GALNTL6: variants seen among roughly 807,000 people sequenced by gnomAD.
GALNTL6 encodes polypeptide N-acetylgalactosaminyltransferase like 6.
GALNTL6 carries 46 observed loss-of-function variants against 73.7 expected under a neutral mutation model. The ratio of observed to expected loss-of-function variants is 0.62; its 90% CI spans 0.49 to 0.80. The LOEUF (loss-of-function observed/expected upper bound fraction) is 0.80. Ranked by LOEUF, GALNTL6 falls within the 30% of genes least tolerant of loss-of-function variation. GALNTL6 has a pLI of 0.00. For synonymous variants in GALNTL6, 259 were observed against 263.7 expected (o/e 0.98, Z 0.17); for missense variants, 604 against 755.0 (o/e 0.80, Z 2.34).
intron 5 of GALNTL6, among the ~76,000 whole-genome samples, chr4:172,617,743 A>C (rs1738797248): frequency 6.6e-6 from 1 of 152,108 alleles, no homozygotes; most frequent in Non-Finnish European, 1.5e-5. Context: ...GGCCTCCCTA[A>C]GTACTGGGAT....
At chr4:172,488,023 G>T (rs899292535) in intron 5 of GALNTL6, among the ~76,000 whole-genome samples, 2 of 152,034 alleles carry the variant, frequency 1.3e-5, no homozygotes, top group Non-Finnish European at 2.9e-5. Context: ...AATGATAATG[G>T]TGCATACTAT....
intron 5 of GALNTL6, among the ~76,000 whole-genome samples, chr4:172,463,465 A>G (rs550150994): frequency 2.6e-5 from 4 of 152,302 alleles, no homozygotes; most frequent in African/African-American, 9.6e-5. Flanking sequence ...AAATACGCTT[A>G]GAATACAAGC....
intron 5 of GALNTL6, among the ~76,000 whole-genome samples, chr4:172,431,647 T>C (rs1731455872): frequency 6.6e-6 from 1 of 152,134 alleles, no homozygotes. Flanking sequence ...AAAATGGTCT[T>C]CCAGCTAAAT....
chr4:172,738,992 C>A (rs2111412429), intron 5 of GALNTL6, among the ~76,000 whole-genome samples: 1 of 152,252 alleles, frequency 6.6e-6, no homozygotes, highest in South Asian at 2.1e-4. Context: ...CTCCAGGTAG[C>A]AGGCTTCAGG....
intron 2 of GALNTL6, among the ~76,000 whole-genome samples, chr4:171,823,681 A>G (rs1734743029): frequency 6.6e-6 from 1 of 151,584 alleles, no homozygotes; most frequent in South Asian, 2.1e-4. Context: ...TATGAAAAAG[A>G]CTGACGACTA....
chr4:172,125,584 T>G (rs561224139), intron 2 of GALNTL6, among the ~76,000 whole-genome samples: 2 of 152,304 alleles, frequency 1.3e-5, no homozygotes, highest in African/African-American at 4.8e-5. Flanking sequence ...ATTTCCATCA[T>G]AAATTCATCT....
intron 2 of GALNTL6, among the ~76,000 whole-genome samples, chr4:171,878,525 T>C (rs1560823645): frequency 6.6e-6 from 1 of 152,178 alleles, no homozygotes; most frequent in Non-Finnish European, 1.5e-5. Flanking sequence ...AAATAGTACA[T>C]TTCTATTTGG....
chr4:172,095,242 G>T (rs983328153), intron 2 of GALNTL6, among the ~76,000 whole-genome samples: 2 of 152,040 alleles, frequency 1.3e-5, no homozygotes, highest in Non-Finnish European at 2.9e-5. Flanking sequence ...TCAGTAAGGA[G>T]ATATCATCTC....
At chr4:172,144,420 G>A (rs1733874665) in intron 2 of GALNTL6, among the ~76,000 whole-genome samples, 1 of 152,114 alleles carries the variant, frequency 6.6e-6, no homozygotes, top group Admixed American at 6.5e-5. Context: ...GTTACTCAAT[G>A]TTTCTGAGCA....
At position 172,964,515 on chromosome 4, in the gene GALNTL6, G is replaced by A. The variant is rs192154804; in HGVS notation, c.1371+12257G>A. ...TATTTTAAAAATTCATGTCAATACCGAACTACCTAGGCTGTTTATTTGAAT... is the reference window on the plus strand; with the variant it reads ...TATTTTAAAAATTCATGTCAATACCAAACTACCTAGGCTGTTTATTTGAAT... On this transcript the variant is annotated intron_variant, in intron 10 of 12. Transcript: ENST00000506823. Among the ~76,000 whole-genome samples the A allele has an allele frequency of 3.9e-5, 6 of 152,194 alleles. No homozygotes were observed. The East Asian group carries it at 7.7e-4, about 20-fold the overall frequency.
chr4:171,914,054 G>A (rs1578966767), intron 2 of GALNTL6, among the ~76,000 whole-genome samples: 1 of 152,020 alleles, frequency 6.6e-6, no homozygotes, highest in African/African-American at 2.4e-5. Flanking sequence ...TGTTATAAAG[G>A]CTATAAAATG....
rs796275319 is a variant in GALNTL6 at position 172,861,318 on chromosome 4, CATGTGTGTGTGTGT to C, written c.924-21471_924-21458del. 1.9e-3 allele frequency among the ~76,000 whole-genome samples: 269 copies of C among 140,886 alleles called. 1 individual carries two copies. Among genetic ancestry groups the C allele is most frequent in the Middle Eastern group, 0.011 (3 of 274 alleles). The allele number at this position is 140,886 out of a possible 152,430, so 92.4% of individuals were successfully genotyped here. ...TGTTGTCTGGCTTGGTTTTTGCTTA[CATGTGTGTGTGTGT>C]GTGTGTGTGTGTGTGTGTGTGTGTT... On this transcript the variant is annotated intron_variant, in intron 7 of 12. Transcript: ENST00000506823.
chr4:172,265,889 G>A (rs1324765118), intron 3 of GALNTL6, among the ~76,000 whole-genome samples: 2 of 151,130 alleles, frequency 1.3e-5, no homozygotes, highest in African/African-American at 4.9e-5. Flanking sequence ...GCTCAAAACT[G>A]GAAAAAAAAA....
rs551250494 is a variant in GALNTL6 at position 172,583,024 on chromosome 4, T to C, written c.554-226337T>C. Among the ~76,000 whole-genome samples, 4 of 152,302 alleles carry C rather than the reference T, an allele frequency of 2.6e-5. No homozygotes were observed. In the East Asian group the frequency reaches 7.7e-4, roughly 29 times the overall value. On this transcript the variant is annotated intron_variant, in intron 5 of 12. Coordinates refer to ENST00000506823, the MANE Select transcript of GALNTL6 (RefSeq NM_001034845.3). ...CTACATCAATGCCATAGAGAAGTTA[T>C]TTATTTTTTAACATCTTCTTCACTG... is the stretch of plus-strand genomic sequence containing the variant.
chr4:172,821,651 A>G (rs1177897322), intron 7 of GALNTL6, among the ~76,000 whole-genome samples: 2 of 152,218 alleles, frequency 1.3e-5, no homozygotes, highest in Non-Finnish European at 2.9e-5. Context: ...ATATTTAACA[A>G]CTGCAAAAGG....
chr4:172,983,122 C>T (rs2126437617), intron 10 of GALNTL6, among the ~76,000 whole-genome samples: 1 of 152,216 alleles, frequency 6.6e-6, no homozygotes, highest in East Asian at 1.9e-4. Flanking sequence ...ACATGCACTC[C>T]ATAAATTTAT....
At chr4:173,030,739 C>A (rs1296152360) in intron 12 of GALNTL6, among the ~76,000 whole-genome samples, 7 of 150,922 alleles carry the variant, frequency 4.6e-5, no homozygotes, top group African/African-American at 1.5e-4. Context: ...CTAATCCTAG[C>A]ATTTTGGGAG....
intron 2 of GALNTL6, among the ~76,000 whole-genome samples, chr4:172,061,356 C>T (rs1731194286): frequency 6.6e-6 from 1 of 152,180 alleles, no homozygotes; most frequent in Admixed American, 6.5e-5. Flanking sequence ...AGATGCTTCA[C>T]TGTCTAGTCC....
chr4:171,975,279 G>C (rs1739688041), intron 2 of GALNTL6, among the ~76,000 whole-genome samples: 1 of 152,090 alleles, frequency 6.6e-6, no homozygotes, highest in Non-Finnish European at 1.5e-5. Flanking sequence ...CAGGATATCT[G>C]ACTCCAGAAT....
Sources: gnomAD v4.1 joint callset for allele counts (sites outside exome capture counted in the v4.1 genomes callset) on GRCh38, gnomAD v4.1.1 for gene constraint, MANE v1.5 for transcripts, NCBI Gene and HGNC (gene_info 2026-07-23, HGNC 2026-07-21) for gene names.